Variants in PTPRD observed in about 807,000 individuals in gnomAD.
PTPRD encodes protein tyrosine phosphatase receptor type D.
In PTPRD, 34 loss-of-function variants were observed where a neutral mutation model predicts 214.5. The ratio of observed to expected loss-of-function variants is 0.16; its 90% CI spans 0.12 to 0.21. The LOEUF (loss-of-function observed/expected upper bound fraction) is 0.21, where lower values mean the gene tolerates loss of function less well. Among genes scored for constraint, PTPRD ranks in the 10% least tolerant of loss-of-function variants. PTPRD has a pLI of 1.00. For synonymous variants in PTPRD, 1,128 were observed against 845.7 expected (o/e 1.33, Z -5.79); for missense variants, 2,545 against 2,398.7 (o/e 1.06, Z -1.27).
chr9:9,396,313 C>A (rs1354155458), intron 9 of PTPRD, among the ~76,000 whole-genome samples: 1 of 152,000 alleles, frequency 6.6e-6, no homozygotes, highest in Non-Finnish European at 1.5e-5. Flanking sequence ...TTTAAACCAG[C>A]AGCTTTGTAC....
chr9:8,419,589 A>G (rs1394710266), intron 35 of PTPRD, among the ~76,000 whole-genome samples: 1 of 152,130 alleles, frequency 6.6e-6, no homozygotes, highest in Non-Finnish European at 1.5e-5. Flanking sequence ...ATCTTAACCA[A>G]TGATTTACAA....
At chr9:8,845,620 A>G (rs897953969) in intron 11 of PTPRD, among the ~76,000 whole-genome samples, 7 of 152,240 alleles carry the variant, frequency 4.6e-5, no homozygotes, top group African/African-American at 1.7e-4. Flanking sequence ...AAGTACATCA[A>G]AAACAAGATT....
intron 5 of PTPRD, among the ~76,000 whole-genome samples, chr9:9,818,891 G>A (rs2049708996): frequency 7.2e-6 from 1 of 138,314 alleles, no homozygotes; most frequent in South Asian, 2.3e-4. Flanking sequence ...ACTCCAGCCT[G>A]GGCAACAGAG....
At chr9:9,186,062 G>T (rs2099931262) in intron 9 of PTPRD, among the ~76,000 whole-genome samples, 2 of 151,932 alleles carry the variant, frequency 1.3e-5, no homozygotes, top group African/African-American at 4.8e-5. Context: ...TCTCCACTGT[G>T]ATTAAAAATG....
At chr9:10,146,362 T>G (rs2154271777) in intron 3 of PTPRD, among the ~76,000 whole-genome samples, 1 of 152,080 alleles carries the variant, frequency 6.6e-6, no homozygotes, top group Admixed American at 6.6e-5. Context: ...ATAAGACCAA[T>G]AAAACCCCTG....
At chr9:8,950,757 C>T (rs1248619769) in intron 11 of PTPRD, among the ~76,000 whole-genome samples, 3 of 151,146 alleles carry the variant, frequency 2.0e-5, no homozygotes, top group Non-Finnish European at 2.9e-5. Context: ...GATTCCTGAC[C>T]CACTCTGAAC....
intron 7 of PTPRD, among the ~76,000 whole-genome samples, chr9:9,632,946 C>A (rs989707110): frequency 1.3e-5 from 2 of 151,992 alleles, no homozygotes; most frequent in African/African-American, 4.8e-5. Context: ...AAACAGAGTG[C>A]CCTTGGGAAA....
At chr9:8,554,560 C>A (rs527864052) in intron 14 of PTPRD, among the ~76,000 whole-genome samples, 4 of 152,126 alleles carry the variant, frequency 2.6e-5, no homozygotes, top group Admixed American at 6.5e-5. Flanking sequence ...GACACAGAGG[C>A]CATACTAAGT....
At chr9:10,043,929 C>G (rs1404023874) in intron 3 of PTPRD, among the ~76,000 whole-genome samples, 1 of 151,800 alleles carries the variant, frequency 6.6e-6, no homozygotes. Flanking sequence ...TTTATATTAA[C>G]TCTTCTATTC....
At chr9:10,505,076 T>C (rs1386696033) in intron 2 of PTPRD, among the ~76,000 whole-genome samples, 1 of 152,182 alleles carries the variant, frequency 6.6e-6, no homozygotes, top group Non-Finnish European at 1.5e-5. Context: ...AATTGCAGTC[T>C]TGCAAAAGAA....
chr9:8,378,245 G>A (rs2135039238), intron 37 of PTPRD, among the ~76,000 whole-genome samples: 1 of 152,130 alleles, frequency 6.6e-6, no homozygotes, highest in South Asian at 2.1e-4. Context: ...GACTCAAAGA[G>A]ATAACAACAT....
intron 3 of PTPRD, among the ~76,000 whole-genome samples, chr9:10,073,967 G>C (rs574802077): frequency 4.7e-4 from 72 of 152,182 alleles, no homozygotes; most frequent in Middle Eastern, 3.4e-3. Flanking sequence ...GAATTAAAGA[G>C]AAATTTCAAG....
In PTPRD at chr9:8,519,017, G is replaced by A. The variant is rs563044961; in HGVS notation, c.962-588C>T. Among the ~76,000 whole-genome samples the A allele has an allele frequency of 4.6e-5, 7 of 152,166 alleles. No individual in the cohort carries two copies. In the South Asian group the frequency reaches 8.3e-4, roughly 18 times the overall value. ...ATACATTGAAATGAAATTAAATTGC[G>A]ATGAAACAATAACATCTATATTCTG... On this transcript the variant is annotated intron_variant, in intron 20 of 45. Coordinates refer to ENST00000381196, the MANE Select transcript of PTPRD (RefSeq NM_002839.4).
intron 10 of PTPRD, chr9:9,090,883 G>C: frequency 9.5e-7 from 1 of 1,050,586 alleles, no homozygotes; most frequent in South Asian, 1.2e-5. Context: ...GCTGTCTCCG[G>C]TCCGTGCCTC....
intron 8 of PTPRD, among the ~76,000 whole-genome samples, chr9:9,417,600 G>C (rs1368467153): frequency 6.6e-6 from 1 of 152,052 alleles, no homozygotes; most frequent in Non-Finnish European, 1.5e-5. Context: ...AAAGAAACCT[G>C]AGGGAAGTTG....
intron 10 of PTPRD, among the ~76,000 whole-genome samples, chr9:9,038,586 G>A (rs1453034447): frequency 2.3e-5 from 3 of 132,640 alleles, no homozygotes; most frequent in Admixed American, 8.3e-5. Flanking sequence ...ATGGAGTTTC[G>A]CTCTTGTTGC....
At chr9:8,705,907 T>C (rs943126440) in intron 12 of PTPRD, among the ~76,000 whole-genome samples, 3 of 152,184 alleles carry the variant, frequency 2.0e-5, no homozygotes, top group African/African-American at 7.2e-5. Context: ...GAAAGCTCTA[T>C]CAATAGTAAT....
intron 7 of PTPRD, among the ~76,000 whole-genome samples, chr9:9,601,506 C>T (rs2093768403): frequency 6.6e-6 from 1 of 152,004 alleles, no homozygotes; most frequent in African/African-American, 2.4e-5. Context: ...CTGCTGCATC[C>T]TAAAATGATA....
intron 3 of PTPRD, among the ~76,000 whole-genome samples, chr9:10,323,024 C>G (rs772029288): frequency 1.3e-5 from 2 of 151,928 alleles, no homozygotes; most frequent in South Asian, 4.1e-4. Flanking sequence ...CATAATTTTA[C>G]CTAACAAGCT....
Sources: gnomAD v4.1 joint callset for allele counts (sites outside exome capture counted in the v4.1 genomes callset) on GRCh38, gnomAD v4.1.1 for gene constraint, MANE v1.5 for transcripts, NCBI Gene and HGNC (gene_info 2026-07-23, HGNC 2026-07-21) for gene names.